SPAG16: variants seen among roughly 807,000 people sequenced by gnomAD.
SPAG16 encodes sperm associated antigen 16.
SPAG16 carries 86 observed loss-of-function variants against 80.4 expected under a neutral mutation model. The ratio of observed to expected loss-of-function variants is 1.07; its 90% CI spans 0.90 to 1.28. The LOEUF is 1.28. SPAG16 is among the 50% of genes most tolerant of loss of function. The probability of loss-of-function intolerance (pLI) is 0.00; values close to 1 mark genes in which losing one functional copy is unlikely to be tolerated. For missense variants in SPAG16, 870 were observed against 765.3 expected (o/e 1.14, Z -1.61); for synonymous variants, 294 against 265.9 (o/e 1.11, Z -1.03).
intron 12 of SPAG16, among the ~76,000 whole-genome samples, chr2:213,960,972 C>G (rs2044387295): frequency 6.6e-6 from 1 of 152,190 alleles, no homozygotes; most frequent in South Asian, 2.1e-4. Context: ...TTTTCCCACT[C>G]TGGCTCCCAT....
At chr2:213,308,453 C>T (rs2063042453) in intron 3 of SPAG16, among the ~76,000 whole-genome samples, 1 of 151,924 alleles carries the variant, frequency 6.6e-6, no homozygotes, top group Non-Finnish European at 1.5e-5. Flanking sequence ...GGAATATTTG[C>T]AAATACATAT....
At chr2:214,119,313 A>G (rs1268797343) in intron 14 of SPAG16, among the ~76,000 whole-genome samples, 1 of 152,144 alleles carries the variant, frequency 6.6e-6, no homozygotes, top group Non-Finnish European at 1.5e-5. Flanking sequence ...CTCCTTTTAA[A>G]GTAATCTGTC....
intron 9 of SPAG16, among the ~76,000 whole-genome samples, chr2:213,378,093 T>G (rs1280228978): frequency 6.6e-6 from 1 of 152,094 alleles, no homozygotes; most frequent in Non-Finnish European, 1.5e-5. Context: ...GCATCCAGCA[T>G]GGAGAAAGAT....
intron 10 of SPAG16, among the ~76,000 whole-genome samples, chr2:213,499,442 C>CA (rs2074641808): frequency 6.6e-6 from 1 of 152,082 alleles, no homozygotes; most frequent in South Asian, 2.1e-4. Context: ...TAGTCCCTGA[C>CA]AGATAGGAAG....
chr2:213,288,004 C>T (rs1395680061), intron 1 of SPAG16, among the ~76,000 whole-genome samples: 2 of 152,196 alleles, frequency 1.3e-5, no homozygotes, highest in Non-Finnish European at 2.9e-5. Flanking sequence ...TTCCTGGGCT[C>T]GAGCAATCTT....
At chr2:213,383,487 A>G (rs1382041929) in intron 9 of SPAG16, among the ~76,000 whole-genome samples, 2 of 152,176 alleles carry the variant, frequency 1.3e-5, no homozygotes, top group African/African-American at 4.8e-5. Flanking sequence ...TAATCAGTGT[A>G]TATTAAGATT....
At chr2:213,420,962 G>A (rs1559115355) in intron 9 of SPAG16, among the ~76,000 whole-genome samples, 2 of 152,222 alleles carry the variant, frequency 1.3e-5, no homozygotes, top group Non-Finnish European at 2.9e-5. Flanking sequence ...TGAAGACAAT[G>A]GCTGCAGCAG....
chr2:213,302,739 C>G (rs1575127009), intron 3 of SPAG16, among the ~76,000 whole-genome samples: 2 of 151,732 alleles, frequency 1.3e-5, no homozygotes, highest in African/African-American at 4.8e-5. Flanking sequence ...TAAATAAGAA[C>G]CAACACAGTT....
At chr2:213,832,204 G>T (rs535759502) in intron 10 of SPAG16, among the ~76,000 whole-genome samples, 1 of 151,860 alleles carries the variant, frequency 6.6e-6, no homozygotes, top group Non-Finnish European at 1.5e-5. Context: ...CATCATCTTG[G>T]CCAGGCTGAT....
chr2:213,647,144 A>G (rs752346535), intron 10 of SPAG16, among the ~76,000 whole-genome samples: 47 of 152,202 alleles, frequency 3.1e-4, no homozygotes, highest in Non-Finnish European at 1.0e-4. Flanking sequence ...GAAAATAAAT[A>G]CATATTAATG....
intron 10 of SPAG16, among the ~76,000 whole-genome samples, chr2:213,823,535 T>C (rs923745377): frequency 6.6e-6 from 1 of 152,024 alleles, no homozygotes; most frequent in Non-Finnish European, 1.5e-5. Flanking sequence ...TAATTTTGTA[T>C]TTTTAGTAGA....
chr2:213,998,354 G>A (rs531873888), intron 12 of SPAG16, among the ~76,000 whole-genome samples: 35 of 152,254 alleles, frequency 2.3e-4, no homozygotes, highest in Non-Finnish European at 2.8e-4. Context: ...CTGTTCTCAT[G>A]GTAGTGAATA....
intron 10 of SPAG16, among the ~76,000 whole-genome samples, chr2:213,643,348 T>TTATATA (rs61608932): frequency 1.3e-4 from 5 of 39,128 alleles, no homozygotes; most frequent in Non-Finnish European, 1.4e-4. Context: ...GATCTTAATT[T>TTATATA]TATATATATA....
Position 213,284,555 on chromosome 2 carries a change from G to A in SPAG16, c.72G>A (p.Thr24=), listed in dbSNP as rs949049030. 23 of 1,606,190 alleles carry A rather than the reference G, an allele frequency of 1.4e-5. No individual in the cohort carries two copies. Among genetic ancestry groups the A allele is most frequent in the African/African-American group, 2.7e-5 (2 of 74,862 alleles). The change falls in exon 1 of 16, where the codon ACG becomes ACA. Residue 24 remains threonine, a synonymous_variant. Transcript: ENST00000331683. The part of the protein sequence containing the change: ...VLEEALGMGL[T]AAGDARDTAD... ...AAGAGGCGTTGGGCATGGGTTTGAC[G>A]GCAGCCGGGGACGCGAGGGACACGG...
intron 14 of SPAG16, among the ~76,000 whole-genome samples, chr2:214,142,802 A>G (rs1000950841): frequency 1.3e-5 from 2 of 152,160 alleles, no homozygotes; most frequent in Non-Finnish European, 2.9e-5. Context: ...TCATTTTGTC[A>G]GGAAATCTTA....
intron 10 of SPAG16, among the ~76,000 whole-genome samples, chr2:213,804,238 A>G (rs1393247226): frequency 3.3e-5 from 5 of 152,206 alleles, no homozygotes; most frequent in Admixed American, 6.5e-5. Flanking sequence ...AAAGAAGCCG[A>G]ATGAGTGGAA....
At chr2:213,637,151 T>A (rs930610299) in intron 10 of SPAG16, among the ~76,000 whole-genome samples, 1 of 152,198 alleles carries the variant, frequency 6.6e-6, no homozygotes, top group Non-Finnish European at 1.5e-5. Context: ...TTGCTGAGGG[T>A]TTAAATCATA....
At chr2:214,205,467 T>C (rs1175173123) in intron 15 of SPAG16, among the ~76,000 whole-genome samples, 2 of 152,196 alleles carry the variant, frequency 1.3e-5, no homozygotes, top group African/African-American at 2.4e-5. Flanking sequence ...TGTTCAATTT[T>C]ATATTTGTGA....
At chr2:213,395,112 C>T (rs1015826482) in intron 9 of SPAG16, among the ~76,000 whole-genome samples, 5 of 152,014 alleles carry the variant, frequency 3.3e-5, no homozygotes, top group African/African-American at 9.7e-5. Context: ...TTTCTTCTCC[C>T]ATTTATTTTT....
Sources: allele counts gnomAD v4.1 joint callset (sites outside exome capture counted in the v4.1 genomes callset), GRCh38; gene constraint gnomAD v4.1.1; transcripts MANE v1.5; gene names NCBI Gene and HGNC (gene_info 2026-07-23, HGNC 2026-07-21).